CEACAM1: variants seen among roughly 807,000 people sequenced by gnomAD.
CEACAM1 encodes the protein cell adhesion molecule CEACAM1.
Under a neutral mutation model 49.1 loss-of-function variants are expected in CEACAM1, and 31 were observed. The ratio of observed to expected loss-of-function variants is 0.63; its 90% CI spans 0.47 to 0.85. CEACAM1 has a LOEUF of 0.85. Among genes scored for constraint, CEACAM1 ranks in the 40% least tolerant of loss-of-function variants. The probability of loss-of-function intolerance (pLI) is 0.00; values close to 1 mark genes in which losing one functional copy is unlikely to be tolerated. For synonymous variants in CEACAM1, 244 were observed against 247.8 expected, an observed-to-expected ratio of 0.98 and a Z score of 0.14; for missense variants, 570 against 645.3, an observed-to-expected ratio of 0.88 and a Z score of 1.26.
intron 5 of CEACAM1, among the ~76,000 whole-genome samples, chr19:42,513,091 A>G (rs1032469445): frequency 6.6e-6 from 1 of 152,174 alleles, no homozygotes; most frequent in Admixed American, 6.5e-5. Context: ...ATGTGATTAG[A>G]ACTTTCCACC....
intron 2 of CEACAM1, among the ~76,000 whole-genome samples, chr19:42,523,006 T>G (rs562872099): frequency 2.6e-5 from 4 of 152,352 alleles, no homozygotes; most frequent in African/African-American, 7.2e-5. Context: ...AAGTGTGAAC[T>G]GAGCAGCAGT....
At chr19:42,515,232 C>T (rs2041570936) in intron 5 of CEACAM1, 1 of 461,294 alleles carries the variant, frequency 2.2e-6, no homozygotes, top group Non-Finnish European at 3.8e-6. Flanking sequence ...CACTGCACTC[C>T]AGTCTGGGTG....
chr19:42,511,340 C>A (rs1394571569), intron 7 of CEACAM1: 3 of 590,908 alleles, frequency 5.1e-6, no homozygotes, highest in Non-Finnish European at 9.0e-6. Context: ...AACATGGGAT[C>A]TTCCTCAGGC....
chr19:42,515,868 A>G (rs1041487219), intron 5 of CEACAM1, among the ~76,000 whole-genome samples: 6 of 152,226 alleles, frequency 3.9e-5, no homozygotes, highest in African/African-American at 1.4e-4. Context: ...GAAATGAACA[A>G]ATTCCTAGAA....
rs538945321 is a variant in CEACAM1, at chr19:42,525,248, A to G, written c.424+1793T>C. Among the ~76,000 whole-genome samples the G allele has an allele frequency of 9.9e-4, 138 of 139,374 alleles. 1 individual carries two copies. Among genetic ancestry groups the G allele is most frequent in the Non-Finnish European group, 1.9e-3 (122 of 65,786 alleles). 91.4% of individuals were successfully genotyped at this position (139,374 alleles called of 152,430 possible). On this transcript the variant is annotated intron_variant, in intron 2 of 8. Coordinates refer to ENST00000161559, the MANE Select transcript of CEACAM1 (RefSeq NM_001712.5). ...CATTTTTTTTTTTTTTTTTTGAGAT[A>G]GAGTCTCACTCTGTCTCCCAGGCTG...
At chr19:42,519,682 G>C (rs1422866674) in intron 4 of CEACAM1, among the ~76,000 whole-genome samples, 2 of 151,136 alleles carry the variant, frequency 1.3e-5, no homozygotes, top group Non-Finnish European at 2.9e-5. Flanking sequence ...CCATTCTCCT[G>C]CCTCAGCCTC....
At chr19:42,511,022 G>A in intron 7 of CEACAM1, 102 bp from the exon 8 acceptor site, 1 of 1,071,446 alleles carries the variant, frequency 9.3e-7, no homozygotes. Flanking sequence ...GGAGTTTAAG[G>A]ATCAGTTAAG....
rs372968602 is a variant in CEACAM1 at position 42,518,957 on chromosome 19, T to A, written c.1237A>T (p.Asn413Tyr). 11 of 1,614,088 alleles carry A rather than the reference T, an allele frequency of 6.8e-6. No homozygotes were observed. Among genetic ancestry groups the A allele is most frequent in the African/African-American group, 2.7e-5 (2 of 74,950 alleles). The part of the protein sequence containing the change: ...SKNQSDPIML[N>Y]VNYNALPQEN... ...GTGAGGAGTCACTTACAGTTTACGT[T>A]CAGCATGATGGGGTCGCTTTGGTTC... is the stretch of plus-strand genomic sequence containing the variant. The change falls in exon 5 of 9, where the codon AAC becomes TAC. Residue 413 changes from asparagine (N) to tyrosine (Y), a missense_variant. Transcript: ENST00000161559.
rs1384668130 is a variant in CEACAM1 at position 42,507,371 on chromosome 19, G to T, written c.*1738C>A. The T allele has an allele frequency of 6.6e-6, 1 of 152,126 alleles. No homozygotes were observed. Among genetic ancestry groups the T allele is most frequent in the Non-Finnish European group, 1.5e-5 (1 of 68,024 alleles). 9.4% of individuals were successfully genotyped at this position (152,126 alleles called of 1,614,324 possible). A position where few individuals can be genotyped will look rare whatever the true frequency, so the allele number is the denominator to read the frequency against. On this transcript the variant is annotated 3_prime_UTR_variant, in exon 9 of 9. Coordinates refer to ENST00000161559, the MANE Select transcript of CEACAM1 (RefSeq NM_001712.5). Reference sequence around the variant, plus strand: ...TAATTTTCATACATAATTCAGACATGATCTTAGCCAGGAAAAATTAAATAA... The same window carrying T: ...TAATTTTCATACATAATTCAGACATTATCTTAGCCAGGAAAAATTAAATAA...
chr19:42,513,993 A>C (rs1600217844), intron 5 of CEACAM1, among the ~76,000 whole-genome samples: 2 of 102,766 alleles, frequency 1.9e-5, no homozygotes, highest in Admixed American at 1.4e-4. Context: ...GCAGGTTCTC[A>C]CTCTATCACC....
At chr19:42,518,810 T>C in intron 5 of CEACAM1, 138 bp downstream of exon 5, 1 of 1,037,994 alleles carries the variant, frequency 9.6e-7, no homozygotes, top group Non-Finnish European at 1.5e-6. Context: ...TGAGCTGAGC[T>C]CTTAACCACT....
At chr19:42,519,570 CTTTTT>C (rs34440555) in intron 4 of CEACAM1, 8 of 168,228 alleles carry the variant, frequency 4.8e-5, no homozygotes, top group South Asian at 2.2e-4. Flanking sequence ...TTCCCACTGA[CTTTTT>C]TTTTTTTTTT....
chr19:42,519,694 C>T (rs1458748656), intron 4 of CEACAM1, among the ~76,000 whole-genome samples: 10 of 152,052 alleles, frequency 6.6e-5, no homozygotes, highest in Admixed American at 4.6e-4. Context: ...CTCAGCCTCC[C>T]GAGTAGCTGG....
At chr19:42,519,303 T>C in intron 4 of CEACAM1, 68 bp from the exon 5 acceptor site, 1 of 1,502,604 alleles carries the variant, frequency 6.7e-7, no homozygotes, top group Non-Finnish European at 9.1e-7. Context: ...CCTAGGGCTA[T>C]GCTCCTTTCC....
At chr19:42,525,214 A>G (rs903720083) in intron 2 of CEACAM1, among the ~76,000 whole-genome samples, 1 of 145,902 alleles carries the variant, frequency 6.9e-6, no homozygotes, top group Non-Finnish European at 1.5e-5. Context: ...CTGAGGGGAT[A>G]GGCCTGAACA....
At position 42,518,837 on chromosome 19, in the gene CEACAM1, T is replaced by C. The variant is rs144686937; in HGVS notation, c.1246+111A>G. On this transcript the variant is annotated intron_variant, in intron 5 of 8. Coordinates refer to ENST00000161559, the MANE Select transcript of CEACAM1 (RefSeq NM_001712.5). ...TTAACCACTTTGCAATTCTGTTTGC[T>C]ATAATGGTCTCTTCATTGATATTCT... 100 of 1,251,226 alleles carry C rather than the reference T, an allele frequency of 8.0e-5. 3 individuals carry two copies. The East Asian group carries it at 2.3e-3, about 29-fold the overall frequency. The allele number at this position is 1,251,226 out of a possible 1,614,324, so 77.5% of individuals were successfully genotyped here. A position where few individuals can be genotyped will look rare whatever the true frequency, so the allele number is the denominator to read the frequency against.
intron 2 of CEACAM1, among the ~76,000 whole-genome samples, chr19:42,523,306 A>G (rs2041805976): frequency 6.6e-6 from 1 of 152,208 alleles, no homozygotes; most frequent in Admixed American, 6.5e-5. Flanking sequence ...AGCAGAAATA[A>G]CAGGGGACAC....
chr19:42,510,108 CAG>C (rs1428922776), intron 8 of CEACAM1, among the ~76,000 whole-genome samples: 2 of 151,612 alleles, frequency 1.3e-5, no homozygotes, highest in African/African-American at 2.4e-5. Context: ...TTTTTTGAGA[CAG>C]AGTTTCCCTC....
chr19:42,512,396 TCA>T lies in CEACAM1; in HGVS notation c.1328_1329del (p.Leu443HisfsTer22), dbSNP rs1568650910. The T allele has an allele frequency of 1.2e-6, 2 of 1,614,142 alleles. No individual in the cohort carries two copies. The highest frequency in any genetic ancestry group is 1.7e-6 in the Non-Finnish European group (2 of 1,179,972). ...IVIGVVALVA[L>X]IAVALACFLH... ...AGAAAACATGCCAGGGCTACTGCTATCAGAGCAACCAGGGCCACTACTCCAAT... is the reference window on the plus strand; with the variant it reads ...AGAAAACATGCCAGGGCTACTGCTATGAGCAACCAGGGCCACTACTCCAAT... On this transcript the variant is annotated frameshift_variant, in exon 6 of 9. Coordinates refer to ENST00000161559, the MANE Select transcript of CEACAM1 (RefSeq NM_001712.5). LOFTEE classifies it high-confidence loss of function.
Sources: gnomAD v4.1 joint callset for allele counts (sites outside exome capture counted in the v4.1 genomes callset) on GRCh38, gnomAD v4.1.1 for gene constraint, MANE v1.5 for transcripts, NCBI Gene and HGNC (gene_info 2026-07-23, HGNC 2026-07-21) for gene names.